The following LPP variants were observed in gnomAD, a reference collection of about 807,000 sequenced individuals.
LPP encodes the protein lipoma-preferred partner.
LPP carries 38 observed loss-of-function variants against 60.4 expected under a neutral mutation model. That is an observed-to-expected ratio of 0.63 (90% CI 0.49 to 0.83). LPP has a LOEUF of 0.83. LPP is among the 40% of genes least tolerant of loss of function. The probability of loss-of-function intolerance (pLI) is 0.00; values close to 1 mark genes in which losing one functional copy is unlikely to be tolerated. For missense variants in LPP, 902 were observed against 783.6 expected (o/e 1.15, Z -1.80); for synonymous variants, 328 against 290.8 (o/e 1.13, Z -1.30).
chr3:188,855,304 C>G (rs1404036730), intron 9 of LPP, among the ~76,000 whole-genome samples: 1 of 152,178 alleles, frequency 6.6e-6, no homozygotes. Flanking sequence ...TACTGATTGC[C>G]TGTTATGTCT....
rs189003466 is a variant in LPP at position 188,674,259 on chromosome 3, G to T, written c.1114-34008G>T. Among the ~76,000 whole-genome samples the T allele has an allele frequency of 2.0e-5, 3 of 152,254 alleles. No homozygotes were observed. In the East Asian group the frequency reaches 5.8e-4, roughly 29 times the overall value. The stretch of plus-strand genomic sequence containing the variant: ...TTATATCTCAAAAGCTCCTACCTTT[G>T]ACTTCCCTGACAATTTTTCCTTCTC... On this transcript the variant is annotated intron_variant, in intron 7 of 11. Coordinates refer to ENST00000617246, the MANE Select transcript of LPP (RefSeq NM_001375462.1).
intron 10 of LPP, among the ~76,000 whole-genome samples, chr3:188,871,545 G>A (rs530189236): frequency 9.2e-5 from 14 of 152,242 alleles, no homozygotes; most frequent in East Asian, 3.9e-4. Flanking sequence ...CAACCGTAAC[G>A]TGCTCTGCAA....
intron 6 of LPP, among the ~76,000 whole-genome samples, chr3:188,583,312 C>T (rs753214917): frequency 5.3e-5 from 8 of 152,182 alleles, no homozygotes; most frequent in Non-Finnish European, 8.8e-5. Context: ...GCTATAGTCA[C>T]ACACTGCCTT....
intron 7 of LPP, among the ~76,000 whole-genome samples, chr3:188,644,918 A>G (rs1850828840): frequency 6.6e-6 from 1 of 152,236 alleles, no homozygotes. Flanking sequence ...AGGCAAAGCT[A>G]GACTCAAATT....
intron 5 of LPP, among the ~76,000 whole-genome samples, chr3:188,517,887 T>A (rs1321380728): frequency 1.3e-5 from 2 of 152,084 alleles, no homozygotes; most frequent in African/African-American, 4.8e-5. Flanking sequence ...ATCAGTGACC[T>A]CCCCATGGTA....
intron 7 of LPP, among the ~76,000 whole-genome samples, chr3:188,706,123 A>G (rs567933324): frequency 4.4e-4 from 67 of 152,330 alleles, no homozygotes; most frequent in Non-Finnish European, 2.6e-4. Flanking sequence ...TAATCCTCAT[A>G]TGACAGGTAA....
At chr3:188,853,096 G>A (rs1763050251) in intron 9 of LPP, among the ~76,000 whole-genome samples, 1 of 152,104 alleles carries the variant, frequency 6.6e-6, no homozygotes, top group Non-Finnish European at 1.5e-5. Context: ...GTTGCAGTGA[G>A]CCGAGATTGT....
chr3:188,515,671 G>T (rs1335966309), intron 5 of LPP, among the ~76,000 whole-genome samples: 1 of 152,100 alleles, frequency 6.6e-6, no homozygotes, highest in Non-Finnish European at 1.5e-5. Context: ...CAGCTTTTGC[G>T]ACAACTTTTC....
intron 4 of LPP, among the ~76,000 whole-genome samples, chr3:188,482,795 C>T (rs1805189711): frequency 1.3e-5 from 2 of 152,114 alleles, no homozygotes; most frequent in Admixed American, 6.5e-5. Flanking sequence ...TAGAAATTTT[C>T]TTTATGTTGT....
intron 1 of LPP, among the ~76,000 whole-genome samples, chr3:188,196,701 A>G (rs1304882750): frequency 6.6e-6 from 1 of 152,224 alleles, no homozygotes; most frequent in Non-Finnish European, 1.5e-5. Context: ...AGGGCAAATT[A>G]AGAATCCTTT....
intron 2 of LPP, among the ~76,000 whole-genome samples, chr3:188,258,706 G>T (rs1383443331): frequency 6.6e-6 from 1 of 152,184 alleles, no homozygotes; most frequent in East Asian, 1.9e-4. Context: ...GTACTGAAGG[G>T]ATTCTAAGAT....
At position 188,886,429 on chromosome 3, in the gene LPP, T is replaced by A. The variant is rs1770675552; in HGVS notation, c.*11950T>A. 5.4e-6 allele frequency: 1 copy of A among 185,942 alleles called. No homozygotes were observed. Among genetic ancestry groups the A allele is most frequent in the South Asian group, 2.1e-4 (1 of 4,750 alleles). 11.5% of individuals were successfully genotyped at this position (185,942 alleles called of 1,614,324 possible). On this transcript the variant is annotated 3_prime_UTR_variant, in exon 12 of 12. Transcript: ENST00000617246. ...AGACAGAGTATTCCCACCCCAGGAATGGATTAATAGAAGACACAATTTGAG... is the reference window on the plus strand; with the variant it reads ...AGACAGAGTATTCCCACCCCAGGAAAGGATTAATAGAAGACACAATTTGAG...
chr3:188,203,587 A>T (rs1402544674), intron 1 of LPP, among the ~76,000 whole-genome samples: 10 of 108,784 alleles, frequency 9.2e-5, no homozygotes, highest in Non-Finnish European at 1.7e-4. Flanking sequence ...AAATATATAT[A>T]TATTTAAATA....
rs1731071406 is a variant in LPP, at chr3:188,758,369, C to T, written c.1241-1744C>T. ...AGAGATGGGGTTTCACCATGTTGAC[C>T]AGGCTGGTCTTGAACTCCTGACCTC... On this transcript the variant is annotated intron_variant, in intron 8 of 11. Transcript: ENST00000617246. Among the ~76,000 whole-genome samples the T allele has an allele frequency of 2.6e-5, 4 of 152,160 alleles. 1 individual carries two copies. In the Middle Eastern group the frequency reaches 0.01, roughly 388 times the overall value.
intron 9 of LPP, among the ~76,000 whole-genome samples, chr3:188,835,809 C>T (rs573315642): frequency 3.9e-4 from 60 of 152,288 alleles, no homozygotes; most frequent in African/African-American, 1.4e-3. Context: ...AACAGGGAAG[C>T]TGTCCATAAA....
chr3:188,506,283 A>C (rs929402610), intron 5 of LPP, among the ~76,000 whole-genome samples: 3 of 152,078 alleles, frequency 2.0e-5, no homozygotes, highest in Admixed American at 2.0e-4. Context: ...ATTAATAACA[A>C]TTTTTAGAAG....
chr3:188,692,615 T>C (rs958499967), intron 7 of LPP, among the ~76,000 whole-genome samples: 3 of 152,328 alleles, frequency 2.0e-5, no homozygotes, highest in Non-Finnish European at 4.4e-5. Context: ...TTACTTCGGA[T>C]TGATGGACAT....
rs879769290 is a variant in LPP at position 188,440,683 on chromosome 3, A to G, written c.193+34370A>G. On this transcript the variant is annotated intron_variant, in intron 4 of 11. Coordinates refer to ENST00000617246, the MANE Select transcript of LPP (RefSeq NM_001375462.1). Reference sequence around the variant, plus strand: ...TTCCTGAAACTTACTGCTGGTACCAATTTTACCATAGGTTATCTTAATTAG... The same window carrying G: ...TTCCTGAAACTTACTGCTGGTACCAGTTTTACCATAGGTTATCTTAATTAG... 5.3e-5 allele frequency among the ~76,000 whole-genome samples: 8 copies of G among 152,234 alleles called. No homozygotes were observed. In the East Asian group the frequency reaches 1.4e-3, roughly 26 times the overall value.
chr3:188,689,518 A>C (rs537076440), intron 7 of LPP, among the ~76,000 whole-genome samples: 2 of 152,274 alleles, frequency 1.3e-5, no homozygotes, highest in African/African-American at 4.8e-5. Context: ...CTTCCATGAG[A>C]TCAACTTTTT....
Sources: gnomAD v4.1 joint callset for allele counts (sites outside exome capture counted in the v4.1 genomes callset) on GRCh38, gnomAD v4.1.1 for gene constraint, MANE v1.5 for transcripts, NCBI Gene and HGNC (gene_info 2026-07-23, HGNC 2026-07-21) for gene names.